The following RBFOX3 variants were observed in gnomAD, a reference collection of about 807,000 sequenced individuals.
RBFOX3 encodes the protein RNA binding fox-1 homolog 3.
In RBFOX3, 17 loss-of-function variants were observed where a neutral mutation model predicts 48.7. That is an observed-to-expected ratio of 0.35 (90% confidence interval 0.24 to 0.52). The LOEUF (loss-of-function observed/expected upper bound fraction) is 0.52, where lower values mean the gene tolerates loss of function less well. RBFOX3 is among the 20% of genes least tolerant of loss of function. RBFOX3 has a pLI of 0.94. For synonymous variants in RBFOX3, 212 were observed against 209.5 expected, an observed-to-expected ratio of 1.01 and a Z score of -0.10; for missense variants, 382 against 497.5, an observed-to-expected ratio of 0.77 and a Z score of 2.21.
chr17:79,216,341 C>T (rs1353349508), intron 4 of RBFOX3, among the ~76,000 whole-genome samples: 2 of 152,158 alleles, frequency 1.3e-5, no homozygotes, highest in Admixed American at 6.5e-5. Context: ...ACCCACCTGA[C>T]GGAAGAAGGT....
At chr17:79,475,200 C>T (rs984823240) in intron 2 of RBFOX3, among the ~76,000 whole-genome samples, 10 of 152,296 alleles carry the variant, frequency 6.6e-5, no homozygotes, top group Middle Eastern at 6.8e-3. Flanking sequence ...TTCCAGGTGC[C>T]TCCCTCTCCA....
chr17:79,358,109 C>T (rs901631215), intron 2 of RBFOX3, among the ~76,000 whole-genome samples: 1 of 152,092 alleles, frequency 6.6e-6, no homozygotes, highest in Non-Finnish European at 1.5e-5. Flanking sequence ...ACCAGCCTAG[C>T]TAATTTTTAT....
intron 2 of RBFOX3, among the ~76,000 whole-genome samples, chr17:79,426,868 G>A (rs1487093706): frequency 6.6e-6 from 1 of 151,950 alleles, no homozygotes; most frequent in African/African-American, 2.4e-5. Context: ...CCATGCCCGG[G>A]TAATTTTGTA....
intron 2 of RBFOX3, among the ~76,000 whole-genome samples, chr17:79,393,033 C>T (rs1180162911): frequency 1.3e-5 from 2 of 152,224 alleles, no homozygotes; most frequent in African/African-American, 2.4e-5. Context: ...GACCAAAGCC[C>T]CAACTTGACC....
At chr17:79,415,505 C>T (rs995076971) in intron 2 of RBFOX3, among the ~76,000 whole-genome samples, 1 of 152,190 alleles carries the variant, frequency 6.6e-6, no homozygotes, top group Non-Finnish European at 1.5e-5. Context: ...TTCAGCACGG[C>T]AGACGCAGAT....
intron 3 of RBFOX3, among the ~76,000 whole-genome samples, chr17:79,245,748 C>G (rs1038327778): frequency 6.6e-6 from 1 of 151,778 alleles, no homozygotes; most frequent in East Asian, 1.9e-4. Context: ...CTGCTTCAGC[C>G]TCCCGTGTAG....
At chr17:79,259,555 A>G (rs1318040206) in intron 3 of RBFOX3, among the ~76,000 whole-genome samples, 2 of 152,074 alleles carry the variant, frequency 1.3e-5, no homozygotes, top group Non-Finnish European at 2.9e-5. Flanking sequence ...GGGAGCAGGC[A>G]GGACTCTGGG....
At chr17:79,357,475 A>T (rs2085387580) in intron 2 of RBFOX3, among the ~76,000 whole-genome samples, 1 of 152,230 alleles carries the variant, frequency 6.6e-6, no homozygotes, top group East Asian at 1.9e-4. Flanking sequence ...TAAAAATATA[A>T]AAAAAATTAG....
intron 2 of RBFOX3, among the ~76,000 whole-genome samples, chr17:79,454,844 T>C (rs575186611): frequency 6.6e-5 from 10 of 152,248 alleles, no homozygotes; most frequent in African/African-American, 2.2e-4. Context: ...CCCCATGTGG[T>C]GATGGGCCCA....
chr17:79,510,255 C>G (rs938842393), intron 1 of RBFOX3, among the ~76,000 whole-genome samples: 5 of 152,174 alleles, frequency 3.3e-5, no homozygotes, highest in African/African-American at 1.2e-4. Flanking sequence ...CGGCCAGGCC[C>G]CGGGACTCTC....
chr17:79,649,194 G>A, the RBFOX3 span, among the ~76,000 whole-genome samples: 14 of 151,966 alleles, frequency 9.2e-5, no homozygotes, highest in Non-Finnish European at 1.9e-4. Flanking sequence ...TGCCCAGGCT[G>A]GTCTCAAACT....
chr17:79,481,631 T>C lies in RBFOX3; in HGVS notation c.-175+823A>G, dbSNP rs1372403896. Reference sequence around the variant, plus strand: ...GAGGGCTAGAGACAGCTCAGTCACGTGGCTCGGGGAGCTTGCGGTTGGTGA... The same window carrying C: ...GAGGGCTAGAGACAGCTCAGTCACGCGGCTCGGGGAGCTTGCGGTTGGTGA... On this transcript the variant is annotated intron_variant, in intron 2 of 14. Transcript: ENST00000693108. This position sits in a 1 kb window ranked among gnomAD's most constrained non-coding sequence, Gnocchi z 5.4. 1.3e-5 allele frequency among the ~76,000 whole-genome samples: 2 copies of C among 152,164 alleles called. No homozygotes were observed. The highest frequency in any genetic ancestry group is 2.9e-5 in the Non-Finnish European group (2 of 68,032).
chr17:79,573,952 G>C (rs1410167686), intron 1 of RBFOX3, among the ~76,000 whole-genome samples: 1 of 152,210 alleles, frequency 6.6e-6, no homozygotes, highest in Non-Finnish European at 1.5e-5. Context: ...CAGGCGGGGA[G>C]GAGAAAAACA....
intron 4 of RBFOX3, among the ~76,000 whole-genome samples, chr17:79,143,236 C>T (rs1007981344): frequency 5.3e-5 from 8 of 152,138 alleles, no homozygotes; most frequent in African/African-American, 1.7e-4. Flanking sequence ...TGTGCCAGCT[C>T]GCCCGAGTCC....
chr17:79,463,582 C>A (rs1365111429), intron 2 of RBFOX3, among the ~76,000 whole-genome samples: 1 of 148,940 alleles, frequency 6.7e-6, no homozygotes, highest in Non-Finnish European at 1.5e-5. Flanking sequence ...TCGCCACTGC[C>A]ACCGCCACCT....
At chr17:79,467,930 G>A (rs1447976774) in intron 2 of RBFOX3, among the ~76,000 whole-genome samples, 5 of 151,958 alleles carry the variant, frequency 3.3e-5, no homozygotes, top group African/African-American at 1.2e-4. Context: ...AGCATGGCCT[G>A]TCTCCCTGCA....
chr17:79,524,262 A>G (rs1368876643), intron 1 of RBFOX3, among the ~76,000 whole-genome samples: 9 of 152,178 alleles, frequency 5.9e-5, no homozygotes, highest in African/African-American at 2.2e-4. Context: ...CACACAGTAG[A>G]CATGCTGCAG....
the RBFOX3 span, among the ~76,000 whole-genome samples, chr17:79,658,517 C>T: frequency 6.6e-6 from 1 of 151,702 alleles, no homozygotes; most frequent in Non-Finnish European, 1.5e-5. Context: ...CACACCTGCA[C>T]CCATGGATAA....
chr17:79,361,008 C>T lies in RBFOX3; in HGVS notation c.-174-53184G>A, dbSNP rs72849698. Among the ~76,000 whole-genome samples the T allele has an allele frequency of 0.13, 20,398 of 152,020 alleles. 1,693 individuals are homozygous for T. The highest frequency in any genetic ancestry group is 0.2 in the Middle Eastern group (60 of 294). ...GGGTTATTTCTGCTGAATGCCGCACCGTGCCTGGGAAGAACATCAGCTTTT... is the reference window on the plus strand; with the variant it reads ...GGGTTATTTCTGCTGAATGCCGCACTGTGCCTGGGAAGAACATCAGCTTTT... On this transcript the variant is annotated intron_variant, in intron 2 of 14. Coordinates refer to ENST00000693108, the MANE Select transcript of RBFOX3 (RefSeq NM_001350451.2). This position sits in a 1 kb window ranked among gnomAD's most constrained non-coding sequence, Gnocchi z 4.5.
Sources: gnomAD v4.1 joint callset for allele counts (sites outside exome capture counted in the v4.1 genomes callset) on GRCh38, gnomAD v4.1.1 for gene constraint, Gnocchi (gnomAD v3.1) non-coding constraint, MANE v1.5 for transcripts, NCBI Gene and HGNC (gene_info 2026-07-23, HGNC 2026-07-21) for gene names.